The following IGF2BP2 variants were observed in gnomAD, a reference collection of about 807,000 sequenced individuals.
The protein encoded by IGF2BP2 is insulin-like growth factor 2 mRNA-binding protein 2.
A neutral mutation model predicts 75.8 loss-of-function variants in IGF2BP2; 17 were observed. The observed-to-expected ratio is 0.22, with a 90% confidence interval of 0.15 to 0.34. The LOEUF is 0.34. Ranked by LOEUF, IGF2BP2 falls within the 10% of genes least tolerant of loss-of-function variation. IGF2BP2 has a pLI of 1.00. For missense variants in IGF2BP2, 516 were observed against 772.4 expected, an observed-to-expected ratio of 0.67 and a Z score of 3.93; for synonymous variants, 288 against 295.6, an observed-to-expected ratio of 0.97 and a Z score of 0.26.
intron 7 of IGF2BP2, among the ~76,000 whole-genome samples, chr3:185,682,893 A>C (rs1216693407): frequency 1.3e-5 from 2 of 152,188 alleles, no homozygotes; most frequent in East Asian, 3.8e-4. Context: ...AGGCTCCCCC[A>C]AAAATTAAGA....
intron 2 of IGF2BP2, among the ~76,000 whole-genome samples, chr3:185,703,787 A>G (rs1467137834): frequency 6.6e-6 from 1 of 152,110 alleles, no homozygotes; most frequent in Non-Finnish European, 1.5e-5. Context: ...GAAAGAAAGA[A>G]AGAGAGAAAG....
chr3:185,686,315 C>T (rs559494983), intron 7 of IGF2BP2, among the ~76,000 whole-genome samples: 102 of 150,542 alleles, frequency 6.8e-4, no homozygotes, highest in African/African-American at 2.3e-3. Flanking sequence ...ACCCAAGAGG[C>T]GGAGGTTGCC....
intron 12 of IGF2BP2, 45 bp from the exon 13 acceptor site, chr3:185,652,213 C>T (rs1472026884): frequency 6.6e-7 from 1 of 1,514,530 alleles, no homozygotes; most frequent in South Asian, 1.2e-5. Context: ...GGCTGCATTC[C>T]CCAGCCCCTC....
chr3:185,663,478 T>C (rs1159998311), intron 10 of IGF2BP2, among the ~76,000 whole-genome samples: 1 of 152,162 alleles, frequency 6.6e-6, no homozygotes, highest in East Asian at 1.9e-4. Context: ...TAGAGGAGCA[T>C]ATATAAAACA....
chr3:185,816,525 C>T (rs1740631487), intron 2 of IGF2BP2, among the ~76,000 whole-genome samples: 1 of 152,184 alleles, frequency 6.6e-6, no homozygotes, highest in South Asian at 2.1e-4. Context: ...ACACATTCAG[C>T]TGACTTCTTT....
Position 185,819,606 on chromosome 3 carries a change from A to C in IGF2BP2, c.239+3547T>G, listed in dbSNP as rs530168420. ...ACTTTTTTTTTTCCTGGGAAACTAA[A>C]AGTTTAACTCCAAAGCCAAATCAAA... On this transcript the variant is annotated intron_variant, in intron 2 of 15. Coordinates refer to ENST00000382199, the MANE Select transcript of IGF2BP2 (RefSeq NM_006548.6). 1.9e-4 allele frequency among the ~76,000 whole-genome samples: 29 copies of C among 152,196 alleles called. 2 individuals are homozygous for C. In the South Asian group the frequency reaches 6.0e-3, roughly 32 times the overall value.
At chr3:185,693,079 G>T in intron 4 of IGF2BP2, 2 of 218,244 alleles carry the variant, frequency 9.2e-6, no homozygotes, top group Non-Finnish European at 1.8e-5. Flanking sequence ...AAATTGCAGT[G>T]AGTCAAATGT....
Position 185,812,734 on chromosome 3 carries a change from G to A in IGF2BP2, c.239+10419C>T, listed in dbSNP as rs554674699. 2.0e-3 allele frequency among the ~76,000 whole-genome samples: 301 copies of A among 152,266 alleles called. 2 individuals carry two copies. The highest frequency in any genetic ancestry group is 3.1e-3 in the Non-Finnish European group (214 of 68,024). ...AACAGCAACAAATGCAGTTGTCTTC[G>A]TATTGGGCAGTGGGTAAGAAGCCAG... On this transcript the variant is annotated intron_variant, in intron 2 of 15. Transcript: ENST00000382199.
At chr3:185,748,852 T>A (rs1438215561) in intron 2 of IGF2BP2, among the ~76,000 whole-genome samples, 2 of 152,254 alleles carry the variant, frequency 1.3e-5, no homozygotes, top group African/African-American at 4.8e-5. Context: ...AAAATCATTT[T>A]ACTTAAATTT....
In IGF2BP2 at chr3:185,779,080, C is replaced by CTT. The variant is rs59796150; in HGVS notation, c.239+44071_239+44072dup. On this transcript the variant is annotated intron_variant, in intron 2 of 15. Coordinates refer to ENST00000382199, the MANE Select transcript of IGF2BP2 (RefSeq NM_006548.6). ...TAAGGTAGGCAGATATGGAACAAAG[C>CTT]TTTTTTTTTTTTTGCAGTTATTTTT... Among the ~76,000 whole-genome samples, 432 of 140,262 alleles carry CTT rather than the reference C, an allele frequency of 3.1e-3. 3 individuals carry two copies. Among genetic ancestry groups the CTT allele is most frequent in the African/African-American group, 9.4e-3 (366 of 38,934 alleles). 92.0% of individuals were successfully genotyped at this position (140,262 alleles called of 152,430 possible).
intron 2 of IGF2BP2, among the ~76,000 whole-genome samples, chr3:185,801,373 C>T (rs1738239139): frequency 6.6e-6 from 1 of 151,640 alleles, no homozygotes; most frequent in Non-Finnish European, 1.5e-5. Context: ...CCTGTAATCC[C>T]AGCTACTCAG....
rs896820487 is a variant in IGF2BP2 at position 185,643,139 on chromosome 3, T to C, written c.*2392A>G. ...ATGCAGTGAGACACTAAAACGTGTA[T>C]GACTCATTTTATTGCAAAGTTCGCT... On this transcript the variant is annotated 3_prime_UTR_variant, in exon 16 of 16. Transcript: ENST00000382199. Among the ~76,000 whole-genome samples the C allele has an allele frequency of 2.0e-5, 3 of 152,188 alleles. No individual in the cohort carries two copies. The highest frequency in any genetic ancestry group is 4.4e-5 in the Non-Finnish European group (3 of 68,032).
At chr3:185,677,044 GATATATATATATATATATAT>G (rs1164588813) in intron 7 of IGF2BP2, among the ~76,000 whole-genome samples, 8 of 23,868 alleles carry the variant, frequency 3.4e-4, no homozygotes, top group African/African-American at 1.7e-3. Context: ...TATATATGGA[GATATATATATATATATATAT>G]ATATAGAGAG....
chr3:185,722,331 G>A, intron 2 of IGF2BP2: 1 of 443,180 alleles, frequency 2.3e-6, no homozygotes, highest in Middle Eastern at 3.3e-4. Flanking sequence ...TAAGATGAGA[G>A]TAATTCAGCT....
intron 2 of IGF2BP2, among the ~76,000 whole-genome samples, chr3:185,794,803 A>G (rs961417717): frequency 6.6e-6 from 1 of 152,112 alleles, no homozygotes; most frequent in East Asian, 1.9e-4. Flanking sequence ...CTCTGTTCCC[A>G]TAAAACAGAA....
chr3:185,810,216 T>G (rs1739616048), intron 2 of IGF2BP2, among the ~76,000 whole-genome samples: 1 of 152,214 alleles, frequency 6.6e-6, no homozygotes, highest in African/African-American at 2.4e-5. Flanking sequence ...AGTCTGAGGC[T>G]TTTTGTTTTG....
chr3:185,794,753 C>T (rs1299303882), intron 2 of IGF2BP2, among the ~76,000 whole-genome samples: 2 of 151,946 alleles, frequency 1.3e-5, no homozygotes, highest in Non-Finnish European at 2.9e-5. Context: ...CCATCACCAC[C>T]ATCCATCTCC....
chr3:185,671,817 C>A (rs1718550793), intron 10 of IGF2BP2, among the ~76,000 whole-genome samples: 1 of 152,102 alleles, frequency 6.6e-6, no homozygotes, highest in Non-Finnish European at 1.5e-5. Flanking sequence ...ATTTAAACAG[C>A]ATAAACATTG....
intron 7 of IGF2BP2, among the ~76,000 whole-genome samples, chr3:185,677,958 T>C (rs1426867900): frequency 6.6e-6 from 1 of 152,106 alleles, no homozygotes; most frequent in Non-Finnish European, 1.5e-5. Flanking sequence ...TAGGGACCTA[T>C]GAGACATGCC....
Sources: allele counts gnomAD v4.1 joint callset (sites outside exome capture counted in the v4.1 genomes callset), GRCh38; gene constraint gnomAD v4.1.1; transcripts MANE v1.5; gene names NCBI Gene and HGNC (gene_info 2026-07-23, HGNC 2026-07-21).